The following GNAI1 variants were observed in gnomAD, a reference collection of about 807,000 sequenced individuals.
GNAI1 encodes guanine nucleotide-binding protein G(i) subunit alpha-1.
In GNAI1, 11 loss-of-function variants were observed where a neutral mutation model predicts 38.9. The ratio of observed to expected loss-of-function variants is 0.28; its 90% confidence interval spans 0.18 to 0.47. The LOEUF (loss-of-function observed/expected upper bound fraction) is 0.47. Among genes scored for constraint, GNAI1 ranks in the 20% least tolerant of loss-of-function variants. GNAI1 has a pLI of 0.99. For synonymous variants in GNAI1, 166 were observed against 145.1 expected (o/e 1.14, Z -1.04); for missense variants, 317 against 436.9 (o/e 0.73, Z 2.45).
At chr7:80,189,910 G>GC in intron 3 of GNAI1, among the ~76,000 whole-genome samples, 1 of 152,036 alleles carries the variant, frequency 6.6e-6, no homozygotes, top group Non-Finnish European at 1.5e-5. Flanking sequence ...ATTGGAAGCA[G>GC]CCCAATCCAA....
At chr7:80,171,778 G>A (rs1438025073) in intron 1 of GNAI1, among the ~76,000 whole-genome samples, 1 of 152,054 alleles carries the variant, frequency 6.6e-6, no homozygotes, top group Non-Finnish European at 1.5e-5. Flanking sequence ...TCTTTCATAG[G>A]AGGGCTCTTC....
At chr7:80,195,175 A>T (rs544136352) in intron 3 of GNAI1, among the ~76,000 whole-genome samples, 1 of 151,976 alleles carries the variant, frequency 6.6e-6, no homozygotes, top group South Asian at 2.1e-4. Context: ...GAAAAAATAT[A>T]TCTATACATG....
chr7:80,160,093 C>T (rs1460848356), intron 1 of GNAI1, among the ~76,000 whole-genome samples: 2 of 152,112 alleles, frequency 1.3e-5, no homozygotes, highest in African/African-American at 4.8e-5. Flanking sequence ...GATCAATTTC[C>T]TTAAAGCCTC....
At chr7:80,170,143 G>C (rs765713828) in intron 1 of GNAI1, among the ~76,000 whole-genome samples, 10 of 152,070 alleles carry the variant, frequency 6.6e-5, no homozygotes, top group Non-Finnish European at 1.5e-4. Flanking sequence ...ACAACTTTTT[G>C]CCTGTGAGTA....
Position 80,210,949 on chromosome 7 carries a change from C to T in GNAI1, c.591-20C>T, listed in dbSNP as rs1348558205. ...TTTTGAACATTTAATGTGATGTTAA[C>T]TCATTTCTCCTCTTAACAGAATGTT... is the stretch of plus-strand genomic sequence containing the variant. On this transcript the variant is annotated intron_variant, in intron 5 of 7. Transcript: ENST00000649796. 1.2e-6 allele frequency: 2 copies of T among 1,607,766 alleles called. No homozygotes were observed. The highest frequency in any genetic ancestry group is 2.2e-5 in the East Asian group (1 of 44,840).
At chr7:80,193,276 C>T (rs1191428257) in intron 3 of GNAI1, among the ~76,000 whole-genome samples, 1 of 152,110 alleles carries the variant, frequency 6.6e-6, no homozygotes, top group Non-Finnish European at 1.5e-5. Context: ...TTACATCTTA[C>T]TTAGTATATA....
intron 1 of GNAI1, among the ~76,000 whole-genome samples, chr7:80,177,939 C>T (rs1788219659): frequency 6.6e-6 from 1 of 152,062 alleles, no homozygotes; most frequent in Admixed American, 6.5e-5. Flanking sequence ...AATTGAAAAC[C>T]TTCTGAAAAG....
rs1787379676 is a variant in GNAI1, at chr7:80,134,904, C to A, written c.-257C>A. 2.9e-6 allele frequency: 1 copy of A among 339,670 alleles called. No homozygotes were observed. The allele number at this position is 339,670 out of a possible 1,614,324, so 21.0% of individuals were successfully genotyped here. On this transcript the variant is annotated 5_prime_UTR_variant, in exon 1 of 8. Coordinates refer to ENST00000649796, the MANE Select transcript of GNAI1 (RefSeq NM_002069.6). Reference sequence around the variant, plus strand: ...GCAGCGGCCACTGTACCCAGAGATTCAAAACCCCAAACCCGGGACTTGGGG... The same window carrying A: ...GCAGCGGCCACTGTACCCAGAGATTAAAAACCCCAAACCCGGGACTTGGGG...
rs186938730 is a variant in GNAI1 at position 80,146,883 on chromosome 7, A to G, written c.118+11605A>G. Among the ~76,000 whole-genome samples the G allele has an allele frequency of 5.6e-4, 86 of 152,340 alleles. No individual in the cohort carries two copies. In the East Asian group the frequency reaches 0.01, roughly 18 times the overall value. On this transcript the variant is annotated intron_variant, in intron 1 of 7. Coordinates refer to ENST00000649796, the MANE Select transcript of GNAI1 (RefSeq NM_002069.6). ...TCATGTTCTAGATATTCACATGTACATGAACACACACATATCTATCACACT... is the reference window on the plus strand; with the variant it reads ...TCATGTTCTAGATATTCACATGTACGTGAACACACACATATCTATCACACT...
intron 1 of GNAI1, among the ~76,000 whole-genome samples, chr7:80,156,874 C>A (rs935346135): frequency 2.0e-5 from 3 of 152,068 alleles, no homozygotes; most frequent in African/African-American, 7.2e-5. Context: ...ATATCCCAGC[C>A]CCCACACATG....
chr7:80,187,231 G>C (rs564338360), intron 1 of GNAI1: 4 of 138,834 alleles, frequency 2.9e-5, no homozygotes, highest in African/African-American at 1.0e-4. Context: ...GTGTGTGTGT[G>C]TGTGTGTGTC....
chr7:80,190,921 C>A (rs1353533755), intron 3 of GNAI1, among the ~76,000 whole-genome samples: 1 of 151,580 alleles, frequency 6.6e-6, no homozygotes, highest in Non-Finnish European at 1.5e-5. Flanking sequence ...GGCGTAGTTT[C>A]AAGACTGGAA....
rs1368995021 is a variant in GNAI1 at position 80,223,298 on chromosome 7, C to T, written c.*5805C>T. Among the ~76,000 whole-genome samples the T allele has an allele frequency of 6.6e-6, 1 of 151,884 alleles. No individual in the cohort carries two copies. ...CACTATCTGTGTATTCTCTATTTTA[C>T]CAGGATTTTTTGTTTTTGCTAAATT... On this transcript the variant is annotated 3_prime_UTR_variant, in exon 8 of 8. Transcript: ENST00000649796.
At chr7:80,208,775 C>A (rs1019152239) in intron 5 of GNAI1, among the ~76,000 whole-genome samples, 2 of 152,188 alleles carry the variant, frequency 1.3e-5, no homozygotes, top group Non-Finnish European at 2.9e-5. Flanking sequence ...GCCTTCTACA[C>A]TTTGCTTGCA....
chr7:80,148,134 G>T (rs1046007624), intron 1 of GNAI1, among the ~76,000 whole-genome samples: 1 of 152,138 alleles, frequency 6.6e-6, no homozygotes, highest in Admixed American at 6.5e-5. Flanking sequence ...TTAGATGAAT[G>T]CAGTTTATAG....
intron 5 of GNAI1, among the ~76,000 whole-genome samples, chr7:80,208,810 T>C (rs184302587): frequency 4.6e-5 from 7 of 152,314 alleles, no homozygotes; most frequent in Admixed American, 2.6e-4. Flanking sequence ...AATATCCAAG[T>C]TCATTGCTTA....
rs889822053 is a variant in GNAI1 at position 80,222,166 on chromosome 7, C to G, written c.*4673C>G. On this transcript the variant is annotated 3_prime_UTR_variant, in exon 8 of 8. Coordinates refer to ENST00000649796, the MANE Select transcript of GNAI1 (RefSeq NM_002069.6). ...TCATCAAGTCCAGAGGCCAGAGACACCCAAATATGCACAGACAGGAATCAG... is the reference window on the plus strand; with the variant it reads ...TCATCAAGTCCAGAGGCCAGAGACAGCCAAATATGCACAGACAGGAATCAG... Among the ~76,000 whole-genome samples, 1 of 151,978 alleles carries G rather than the reference C, an allele frequency of 6.6e-6. No homozygotes were observed. Among genetic ancestry groups the G allele is most frequent in the Non-Finnish European group, 1.5e-5 (1 of 67,992 alleles).
intron 1 of GNAI1, among the ~76,000 whole-genome samples, chr7:80,153,991 C>T (rs542802578): frequency 6.6e-6 from 1 of 151,722 alleles, no homozygotes; most frequent in South Asian, 2.1e-4. Flanking sequence ...GACATGATCT[C>T]GGCTCACTGC....
At chr7:80,183,656 CT>C (rs999449400) in intron 1 of GNAI1, among the ~76,000 whole-genome samples, 3 of 151,706 alleles carry the variant, frequency 2.0e-5, no homozygotes, top group Non-Finnish European at 4.4e-5. Context: ...AAAAAAGATA[CT>C]TGTTTTCTGA....
Sources: gnomAD v4.1 joint callset for allele counts (sites outside exome capture counted in the v4.1 genomes callset) on GRCh38, gnomAD v4.1.1 for gene constraint, MANE v1.5 for transcripts, NCBI Gene and HGNC (gene_info 2026-07-23, HGNC 2026-07-21) for gene names.